The following TXNRD3 variants were observed in gnomAD, a reference collection of about 807,000 sequenced individuals.
TXNRD3 encodes TXNRD3 neighbor gene protein.
In TXNRD3, 68 loss-of-function variants were observed where a neutral mutation model predicts 78.2. The ratio of observed to expected loss-of-function variants is 0.87; its 90% CI spans 0.72 to 1.06. The LOEUF (loss-of-function observed/expected upper bound fraction) is 1.06, where lower values mean the gene tolerates loss of function less well. Among genes scored for constraint, TXNRD3 ranks in the 50% least tolerant of loss-of-function variants. The pLI is 0.00. For missense variants in TXNRD3, 751 were observed against 809.5 expected, an observed-to-expected ratio of 0.93 and a Z score of 0.88; for synonymous variants, 296 against 300.1, an observed-to-expected ratio of 0.99 and a Z score of 0.14.
At chr3:126,651,228 G>A (rs2107630722) in intron 1 of TXNRD3, among the ~76,000 whole-genome samples, 1 of 152,146 alleles carries the variant, frequency 6.6e-6, no homozygotes, top group East Asian at 1.9e-4. Flanking sequence ...AAGAAAGCAG[G>A]CTACTCAGTC....
At position 126,643,879 on chromosome 3, in the gene TXNRD3, C is replaced by T. The variant is rs999262253; in HGVS notation, c.592+102G>A. ...CTTGTTTTCTTATCCAAGAAACAGG[C>T]GAGTTATACCTCTTGAGATTGTTGT... is the stretch of plus-strand genomic sequence containing the variant. On this transcript the variant is annotated intron_variant, in intron 5 of 15. Transcript: ENST00000524230. 83 of 1,116,904 alleles carry T rather than the reference C, an allele frequency of 7.4e-5. No individual in the cohort carries two copies. The East Asian group carries it at 1.2e-3, about 16-fold the overall frequency. 69.2% of individuals were successfully genotyped at this position (1,116,904 alleles called of 1,614,324 possible). A position where few individuals can be genotyped will look rare whatever the true frequency, so the allele number is the denominator to read the frequency against.
At chr3:126,651,968 C>G (rs1250789340) in intron 1 of TXNRD3, among the ~76,000 whole-genome samples, 1 of 152,064 alleles carries the variant, frequency 6.6e-6, no homozygotes, top group South Asian at 2.1e-4. Context: ...AGGAAAAGAA[C>G]GATAGAAGCA....
intron 6 of TXNRD3, among the ~76,000 whole-genome samples, chr3:126,637,932 CTTTTTTTTTTT>C (rs71615916): frequency 4.0e-4 from 24 of 60,232 alleles, no homozygotes; most frequent in Admixed American, 1.6e-3. Flanking sequence ...ATTTCTCTCT[CTTTTTTTTTTT>C]TTTTTTTTTT....
chr3:126,627,653 T>C (rs1351554604), intron 10 of TXNRD3, among the ~76,000 whole-genome samples: 2 of 152,138 alleles, frequency 1.3e-5, no homozygotes, highest in African/African-American at 4.8e-5. Flanking sequence ...AAAATATAAC[T>C]AATCAAAAGT....
chr3:126,643,253 A>T (rs1301058027), intron 5 of TXNRD3, among the ~76,000 whole-genome samples: 1 of 152,232 alleles, frequency 6.6e-6, no homozygotes, highest in Non-Finnish European at 1.5e-5. Flanking sequence ...TGGAGCGTAC[A>T]GCAGGGCAGA....
intron 10 of TXNRD3, among the ~76,000 whole-genome samples, chr3:126,628,895 G>A (rs1938643606): frequency 6.6e-6 from 1 of 151,938 alleles, no homozygotes; most frequent in Non-Finnish European, 1.5e-5. Context: ...CATAAAAAGA[G>A]TATATAAAAC....
At chr3:126,609,977 G>GCC (rs775550548) in intron 14 of TXNRD3, among the ~76,000 whole-genome samples, 2 of 152,134 alleles carry the variant, frequency 1.3e-5, no homozygotes, top group South Asian at 4.1e-4. Flanking sequence ...TCAGGATATA[G>GCC]CCCAGCACAT....
At position 126,652,431 on chromosome 3, in the gene TXNRD3, A is replaced by G. The variant is rs1182332499; in HGVS notation, c.243+2317T>C. The stretch of plus-strand genomic sequence containing the variant: ...GGGTGGGGACACAGATCCAAACCAT[A>G]TCAATCCCATAAAAAGAGTGAAAAA... On this transcript the variant is annotated intron_variant, in intron 1 of 15. Transcript: ENST00000524230. Among the ~76,000 whole-genome samples the G allele has an allele frequency of 2.0e-5, 3 of 152,182 alleles. No individual in the cohort carries two copies. In the East Asian group the frequency reaches 5.8e-4, roughly 29 times the overall value.
At chr3:126,645,563 T>C (rs1157822252) in intron 3 of TXNRD3, among the ~76,000 whole-genome samples, 2 of 152,224 alleles carry the variant, frequency 1.3e-5, no homozygotes, top group African/African-American at 2.4e-5. Context: ...ATTACTCATA[T>C]TGTATACATA....
chr3:126,607,695 C>CT lies in TXNRD3; in HGVS notation c.*209dup. On this transcript the variant is annotated 3_prime_UTR_variant, in exon 16 of 16. Coordinates refer to ENST00000524230, the MANE Select transcript of TXNRD3 (RefSeq NM_052883.3). ...CTAAGGCGTCAAGGAAGCAGTCCCA[C>CT]TGCTTCTCGCTGTCAGCAAGACCAC... The CT allele has an allele frequency of 2.7e-6, 1 of 365,248 alleles. No homozygotes were observed. 22.6% of individuals were successfully genotyped at this position (365,248 alleles called of 1,614,324 possible).
chr3:126,644,508 G>A, intron 3 of TXNRD3, 107 bp from the exon 4 acceptor site: 4 of 756,566 alleles, frequency 5.3e-6, no homozygotes, highest in South Asian at 2.3e-5. Flanking sequence ...AAAAATCTTA[G>A]GAAAAATCTA....
At chr3:126,631,919 C>G (rs188860317) in intron 7 of TXNRD3, 40 bp from the exon 8 acceptor site, 1 of 1,344,130 alleles carries the variant, frequency 7.4e-7, no homozygotes, top group Non-Finnish European at 1.0e-6. Context: ...GCAAACACTA[C>G]AGAGTACCAG....
intron 2 of TXNRD3, 65 bp downstream of exon 2, chr3:126,647,171 T>C: frequency 8.0e-7 from 1 of 1,251,908 alleles, no homozygotes; most frequent in Non-Finnish European, 1.1e-6. Flanking sequence ...ACAAAGTAAA[T>C]GGAAAGAAGT....
intron 10 of TXNRD3, among the ~76,000 whole-genome samples, chr3:126,626,435 C>G (rs1056770926): frequency 2.0e-5 from 3 of 151,924 alleles, no homozygotes; most frequent in Non-Finnish European, 4.4e-5. Context: ...ATATAGAAGC[C>G]CTGCAATTCA....
chr3:126,639,428 C>G (rs898460939), intron 6 of TXNRD3, among the ~76,000 whole-genome samples: 4 of 152,182 alleles, frequency 2.6e-5, no homozygotes, highest in Admixed American at 6.5e-5. Flanking sequence ...CCCAGTCCCC[C>G]ATGTGCTGTG....
At position 126,630,849 on chromosome 3, in the gene TXNRD3, C is replaced by A. The variant is rs939601913; in HGVS notation, c.1060G>T (p.Ala354Ser). Residue 354 changes from alanine to serine, a missense_variant, in exon 9 of 16, where the codon GCT becomes TCT. Ala to Ser is a moderately conservative substitution (Grantham distance 99, BLOSUM62 1). Transcript: ENST00000524230. ...ACTGTGACATCTAGGCCAAAGCCAG[C>A]CAGAAACCCTGCACACTCCAGGGCA... is the stretch of plus-strand genomic sequence containing the variant. 1.3e-6 allele frequency: 2 copies of A among 1,535,938 alleles called. No individual in the cohort carries two copies. Among genetic ancestry groups the A allele is most frequent in the Non-Finnish European group, 1.7e-6 (2 of 1,146,874 alleles).
In TXNRD3 at chr3:126,642,126, TACA is replaced by T; in HGVS notation, c.615_617del (p.Asn205_Val206delinsLys). On this transcript the variant is annotated inframe_deletion, in exon 6 of 16. Transcript: ENST00000524230. ...GCATCAATTTCTTAGGAATACAACC[TACA>T]TTTACACAAGTGCCACCAAGACCTG... The T allele has an allele frequency of 6.5e-7, 1 of 1,536,188 alleles. No homozygotes were observed.
At chr3:126,618,245 A>G (rs1057358631) in intron 12 of TXNRD3, among the ~76,000 whole-genome samples, 2 of 152,236 alleles carry the variant, frequency 1.3e-5, no homozygotes, top group African/African-American at 4.8e-5. Flanking sequence ...TGAAACCACA[A>G]AAGAAGCCAA....
At chr3:126,608,095 T>A in intron 15 of TXNRD3, 122 bp from the exon 16 acceptor site, 2 of 726,942 alleles carry the variant, frequency 2.8e-6, no homozygotes, top group Non-Finnish European at 2.1e-6. Flanking sequence ...GCATGGTGGC[T>A]CATGCCTGTA....
Sources: allele counts gnomAD v4.1 joint callset (sites outside exome capture counted in the v4.1 genomes callset), GRCh38; gene constraint gnomAD v4.1.1; transcripts MANE v1.5; gene names NCBI Gene and HGNC (gene_info 2026-07-23, HGNC 2026-07-21).